KCNU1: variants seen among roughly 807,000 people sequenced by gnomAD.
KCNU1 encodes potassium calcium-activated channel subfamily U member 1.
A neutral mutation model predicts 126.8 loss-of-function variants in KCNU1; 93 were observed. The ratio of observed to expected loss-of-function variants is 0.73; its 90% CI spans 0.62 to 0.87. KCNU1 has a LOEUF of 0.87. Among genes scored for constraint, KCNU1 ranks in the 40% least tolerant of loss-of-function variants. KCNU1 has a pLI of 0.00. For synonymous variants in KCNU1, 523 were observed against 494.2 expected (o/e 1.06, Z -0.77); for missense variants, 1,330 against 1,367.1 (o/e 0.97, Z 0.43).
At chr8:36,791,107 A>T (rs1161241145) in intron 2 of KCNU1, among the ~76,000 whole-genome samples, 1 of 152,116 alleles carries the variant, frequency 6.6e-6, no homozygotes, top group Non-Finnish European at 1.5e-5. Context: ...CATGTCCTCT[A>T]GAGGTCTTCC....
At chr8:36,875,081 TA>T (rs923493687) in intron 19 of KCNU1, among the ~76,000 whole-genome samples, 2 of 151,918 alleles carry the variant, frequency 1.3e-5, no homozygotes, top group Non-Finnish European at 2.9e-5. Context: ...AAAAGCTAGT[TA>T]AAAAAAATCA....
intron 1 of KCNU1, 50 bp downstream of exon 1, chr8:36,784,655 G>C: frequency 7.1e-7 from 1 of 1,412,490 alleles, no homozygotes; most frequent in Non-Finnish European, 9.7e-7. Context: ...AGATGAGTTT[G>C]GGGTAGTTTT....
intron 18 of KCNU1, among the ~76,000 whole-genome samples, chr8:36,858,079 T>C (rs1444265094): frequency 6.6e-6 from 1 of 151,292 alleles, no homozygotes; most frequent in Non-Finnish European, 1.5e-5. Flanking sequence ...CTTCTGCTGC[T>C]GCTATTCCAC....
rs571185450 is a variant in KCNU1, at chr8:36,819,958, G to T, written c.1106+2198G>T. Among the ~76,000 whole-genome samples the T allele has an allele frequency of 3.9e-5, 6 of 152,238 alleles. No individual in the cohort carries two copies. The South Asian group carries it at 1.2e-3, about 32-fold the overall frequency. ...TTTGCTACTTCAGGCCTAGCGTTTA[G>T]GAGGATTGACAGTTCCAGCTTCCAC... On this transcript the variant is annotated intron_variant, in intron 10 of 26. Transcript: ENST00000399881.
chr8:36,840,989 T>C lies in KCNU1; in HGVS notation c.1689T>C (p.Phe563=). 1 of 1,605,228 alleles carries C rather than the reference T, an allele frequency of 6.2e-7. No individual in the cohort carries two copies. The highest frequency in any genetic ancestry group is 1.1e-5 in the South Asian group (1 of 90,878). The change falls in exon 16 of 27, where the codon TTT becomes TTC. Residue 563 remains phenylalanine (F), a synonymous_variant. Coordinates refer to ENST00000399881, the MANE Select transcript of KCNU1 (RefSeq NM_001031836.3). ...LLIAIEYKSL[F]TDGFCGLILN... is the part of the protein sequence containing the mutation. ...TAGCCATCGAATACAAGTCCCTCTT[T>C]ACGGATGGTTTCTGGTACCAATAAG... is the stretch of plus-strand genomic sequence containing the variant.
chr8:36,825,034 C>T (rs745738115), intron 10 of KCNU1, among the ~76,000 whole-genome samples: 19 of 152,046 alleles, frequency 1.2e-4, no homozygotes, highest in South Asian at 4.2e-4. Flanking sequence ...GTCAGTTGTC[C>T]GAAATGATAT....
intron 19 of KCNU1, among the ~76,000 whole-genome samples, chr8:36,882,733 G>A (rs1253459401): frequency 2.0e-5 from 3 of 151,876 alleles, no homozygotes; most frequent in African/African-American, 4.8e-5. Context: ...ACAGGCATGC[G>A]CCACCACACC....
intron 26 of KCNU1, among the ~76,000 whole-genome samples, chr8:36,933,952 T>C (rs1472923231): frequency 6.6e-6 from 1 of 152,054 alleles, no homozygotes; most frequent in African/African-American, 2.4e-5. Flanking sequence ...TTAGATTAGC[T>C]GCTGAGAGGA....
At chr8:36,813,877 AC>A (rs1269326853) in intron 7 of KCNU1, among the ~76,000 whole-genome samples, 2 of 152,062 alleles carry the variant, frequency 1.3e-5, no homozygotes, top group African/African-American at 2.4e-5. Context: ...CCTTTGGAGT[AC>A]CCTGGCTCCA....
At chr8:36,814,591 A>T (rs1803841388) in intron 8 of KCNU1, among the ~76,000 whole-genome samples, 1 of 152,186 alleles carries the variant, frequency 6.6e-6, no homozygotes. Context: ...GGGATGAAGG[A>T]TAGTAGGCAA....
At chr8:36,849,180 A>T (rs1805254916) in intron 18 of KCNU1, among the ~76,000 whole-genome samples, 1 of 152,050 alleles carries the variant, frequency 6.6e-6, no homozygotes, top group East Asian at 1.9e-4. Flanking sequence ...AGATTTACCT[A>T]TACTGGTCAT....
intron 19 of KCNU1, among the ~76,000 whole-genome samples, chr8:36,873,840 G>T (rs1395354226): frequency 1.3e-5 from 2 of 152,178 alleles, no homozygotes; most frequent in Non-Finnish European, 2.9e-5. Flanking sequence ...CTGGAAGATT[G>T]TGCTGACTTG....
intron 20 of KCNU1, among the ~76,000 whole-genome samples, chr8:36,906,523 T>C (rs528082673): frequency 6.6e-6 from 1 of 152,304 alleles, no homozygotes; most frequent in South Asian, 2.1e-4. Context: ...ATCTTAGTGG[T>C]TTACCTTACA....
At chr8:36,927,930 T>TA (rs980504475) in intron 24 of KCNU1, among the ~76,000 whole-genome samples, 1 of 131,532 alleles carries the variant, frequency 7.6e-6, no homozygotes, top group African/African-American at 2.9e-5. Context: ...GAGAGAGAAC[T>TA]AGAGGGAGGG....
intron 9 of KCNU1, 36 bp from the exon 10 acceptor site, chr8:36,817,614 C>T: frequency 9.2e-7 from 1 of 1,088,296 alleles, no homozygotes; most frequent in Non-Finnish European, 1.4e-6. Context: ...GCTTATGTGC[C>T]TCGGATGATC....
In KCNU1 at chr8:36,840,992, G is replaced by A. The variant is rs764398390; in HGVS notation, c.1692G>A (p.Thr564=). 1.5e-5 allele frequency: 24 copies of A among 1,593,748 alleles called. No individual in the cohort carries two copies. Among genetic ancestry groups the A allele is most frequent in the Middle Eastern group, 1.7e-4 (1 of 6,042 alleles). ...CCATCGAATACAAGTCCCTCTTTAC[G>A]GATGGTTTCTGGTACCAATAAGTCT... ...LIAIEYKSLF[T]DGFCGLILNP... is the part of the protein sequence containing the mutation. The change falls in exon 16 of 27, where the codon ACG becomes ACA. Residue 564 remains threonine, a synonymous_variant. Transcript: ENST00000399881.
intron 16 of KCNU1, among the ~76,000 whole-genome samples, chr8:36,842,172 G>C (rs1304904503): frequency 6.6e-6 from 1 of 152,196 alleles, no homozygotes; most frequent in Non-Finnish European, 1.5e-5. Flanking sequence ...AGGAAATAGA[G>C]TTAAAGAATC....
At chr8:36,851,373 TTCTCTCTCTCTCTATCTC>T (rs1805339071) in intron 18 of KCNU1, among the ~76,000 whole-genome samples, 2 of 140,276 alleles carry the variant, frequency 1.4e-5, no homozygotes, top group Non-Finnish European at 3.1e-5. Flanking sequence ...GGCACTTCCC[TTCTCTCTCTCTCTATCTC>T]TCTCTCTCTC....
At chr8:36,860,155 G>A (rs1315207161) in intron 18 of KCNU1, among the ~76,000 whole-genome samples, 3 of 152,108 alleles carry the variant, frequency 2.0e-5, no homozygotes. Context: ...TCAGCTCACT[G>A]CAGTCTCCGC....
Sources: gnomAD v4.1 joint callset for allele counts (sites outside exome capture counted in the v4.1 genomes callset) on GRCh38, gnomAD v4.1.1 for gene constraint, MANE v1.5 for transcripts, NCBI Gene and HGNC (gene_info 2026-07-23, HGNC 2026-07-21) for gene names.